SLC8A1: variants seen among roughly 807,000 people sequenced by gnomAD.
The protein encoded by SLC8A1 is solute carrier family 8 member A1, also known as sodium/calcium exchanger 1.
A neutral mutation model predicts 68.3 loss-of-function variants in SLC8A1; 18 were observed. The ratio of observed to expected loss-of-function variants is 0.26; its 90% confidence interval spans 0.18 to 0.39. The LOEUF is 0.39. Among genes scored for constraint, SLC8A1 ranks in the 10% least tolerant of loss-of-function variants. The pLI is 1.00. For missense variants in SLC8A1, 985 were observed against 1,156.7 expected (o/e 0.85, Z 2.15); for synonymous variants, 475 against 415.5 (o/e 1.14, Z -1.74).
At chr2:40,371,254 G>C (rs538306420) in intron 2 of SLC8A1, among the ~76,000 whole-genome samples, 106 of 152,144 alleles carry the variant, frequency 7.0e-4, no homozygotes, top group Middle Eastern at 6.8e-3. Flanking sequence ...TTAAGATTTT[G>C]ATAAAGTAGA....
chr2:40,488,122 C>G (rs1173990116), intron 1 of SLC8A1, among the ~76,000 whole-genome samples: 1 of 150,016 alleles, frequency 6.7e-6, no homozygotes, highest in Non-Finnish European at 1.5e-5. Context: ...GGTGGATAGA[C>G]AGAATACTAA....
intron 2 of SLC8A1, among the ~76,000 whole-genome samples, chr2:40,385,090 A>T (rs183500722): frequency 1.3e-5 from 2 of 152,054 alleles, no homozygotes; most frequent in African/African-American, 4.8e-5. Flanking sequence ...GTACTCAAAA[A>T]TTCAACTCTT....
intron 2 of SLC8A1, among the ~76,000 whole-genome samples, chr2:40,205,445 C>T (rs888598414): frequency 1.3e-5 from 2 of 151,928 alleles, no homozygotes; most frequent in African/African-American, 2.4e-5. Flanking sequence ...CATAGTATTC[C>T]ATGGTGTATA....
At chr2:40,483,318 G>C (rs1224475985) in intron 1 of SLC8A1, among the ~76,000 whole-genome samples, 1 of 151,388 alleles carries the variant, frequency 6.6e-6, no homozygotes, top group Non-Finnish European at 1.5e-5. Context: ...AAGTCTCTAG[G>C]TGATTAAAAG....
chr2:40,254,672 C>G (rs1207413407), intron 2 of SLC8A1: 1 of 152,200 alleles, frequency 6.6e-6, no homozygotes, highest in Non-Finnish European at 1.5e-5. Flanking sequence ...TAATGCCACT[C>G]TAATGCTGTC....
At chr2:40,386,072 GT>G (rs766333136) in intron 2 of SLC8A1, among the ~76,000 whole-genome samples, 1 of 151,138 alleles carries the variant, frequency 6.6e-6, no homozygotes, top group African/African-American at 2.5e-5. Flanking sequence ...GCTACTATGT[GT>G]TTTAAAAGAA....
rs945274909 is a variant in SLC8A1 at position 40,133,404 on chromosome 2, G to C, written c.2437+5997C>G. Among the ~76,000 whole-genome samples the C allele has an allele frequency of 8.6e-4, 102 of 118,452 alleles. 1 individual carries two copies. The highest frequency in any genetic ancestry group is 2.8e-3 in the African/African-American group (88 of 31,650). The allele number at this position is 118,452 out of a possible 152,430, so 77.7% of individuals were successfully genotyped here. The stretch of plus-strand genomic sequence containing the variant: ...TATATACAAAATTGGGGGGGGGGGG[G>C]GTGGAAACCAAAACCATCTATTTCC... On this transcript the variant is annotated intron_variant, in intron 7 of 7. Transcript: ENST00000406785.
intron 1 of SLC8A1, among the ~76,000 whole-genome samples, chr2:40,439,634 G>A (rs1559693690): frequency 6.6e-6 from 1 of 151,938 alleles, no homozygotes. Flanking sequence ...TGTGAGCAGA[G>A]GCTGGTGAAT....
rs185544175 is a variant in SLC8A1, at chr2:40,164,797, A to G, written c.2061+57T>C. On this transcript the variant is annotated intron_variant, in intron 5 of 7. Coordinates refer to ENST00000406785, the Ensembl canonical transcript of SLC8A1. ...ATCTTAAGCTTTGGCCAACCCTATG[A>G]ACAGTTTCTGTCCCAAGGTGAGACT... The G allele has an allele frequency of 3.7e-5, 60 of 1,602,094 alleles. No individual in the cohort carries two copies. The Admixed American group carries it at 9.9e-4, about 26-fold the overall frequency.
chr2:40,165,010 G>T (rs753946009), intron 4 of SLC8A1, 26 bp from the exon 8 acceptor site: 1 of 1,612,984 alleles, frequency 6.2e-7, no homozygotes, highest in South Asian at 1.1e-5. Flanking sequence ...ATCAGAGAGT[G>T]AGCACTGTGT....
At chr2:40,125,238 A>T (rs17559651) in intron 7 of SLC8A1, among the ~76,000 whole-genome samples, 1 of 152,080 alleles carries the variant, frequency 6.6e-6, no homozygotes, top group Non-Finnish European at 1.5e-5. Context: ...GATGAAAAGC[A>T]TCCTATATAC....
At chr2:40,385,596 A>G (rs894647329) in intron 2 of SLC8A1, among the ~76,000 whole-genome samples, 1 of 151,320 alleles carries the variant, frequency 6.6e-6, no homozygotes, top group Non-Finnish European at 1.5e-5. Flanking sequence ...CATGAGGAGC[A>G]ACATAAAACA....
intron 2 of SLC8A1, among the ~76,000 whole-genome samples, chr2:40,215,818 C>G (rs1251006083): frequency 6.6e-6 from 1 of 151,922 alleles, no homozygotes; most frequent in Non-Finnish European, 1.5e-5. Context: ...TTATTATTAC[C>G]TTATAATTGC....
intron 2 of SLC8A1, among the ~76,000 whole-genome samples, chr2:40,388,013 A>G (rs925187225): frequency 2.6e-5 from 4 of 151,954 alleles, no homozygotes; most frequent in Non-Finnish European, 4.4e-5. Context: ...CAGTTAATCA[A>G]TTTAGCTACT....
chr2:40,306,736 T>C (rs1280745786), intron 2 of SLC8A1, among the ~76,000 whole-genome samples: 2 of 152,136 alleles, frequency 1.3e-5, no homozygotes, highest in East Asian at 1.9e-4. Context: ...TGCACGTAAG[T>C]AGAAATCAGC....
intron 2 of SLC8A1, among the ~76,000 whole-genome samples, chr2:40,410,962 T>C (rs1426312774): frequency 6.6e-6 from 1 of 152,068 alleles, no homozygotes; most frequent in Non-Finnish European, 1.5e-5. Flanking sequence ...CCCAAGAATG[T>C]GCCCTTTCTA....
chr2:40,302,553 GTATA>G (rs1175670214), intron 2 of SLC8A1, among the ~76,000 whole-genome samples: 1 of 146,860 alleles, frequency 6.8e-6, no homozygotes, highest in Non-Finnish European at 1.5e-5. Flanking sequence ...TCATATATAT[GTATA>G]TATATCTGTA....
At chr2:40,432,438 T>TGTGTGTGTGTG (rs1698550400) in intron 1 of SLC8A1, among the ~76,000 whole-genome samples, 1 of 142,240 alleles carries the variant, frequency 7.0e-6, no homozygotes, top group Non-Finnish European at 1.5e-5. Flanking sequence ...TGTCAGTGTG[T>TGTGTGTGTGTG]ATACACGTGG....
intron 2 of SLC8A1, among the ~76,000 whole-genome samples, chr2:40,269,262 G>T (rs80258966): frequency 6.6e-6 from 1 of 152,100 alleles, no homozygotes; most frequent in East Asian, 1.9e-4. Flanking sequence ...TTCCAAAGAT[G>T]AACAACTATT....
Sources: allele counts gnomAD v4.1 joint callset (sites outside exome capture counted in the v4.1 genomes callset), GRCh38; gene constraint gnomAD v4.1.1; transcripts MANE v1.5; gene names NCBI Gene and HGNC (gene_info 2026-07-23, HGNC 2026-07-21).